DPP4: variants seen among roughly 807,000 people sequenced by gnomAD.
DPP4 encodes the protein dipeptidyl peptidase 4.
Under a neutral mutation model 122.4 loss-of-function variants are expected in DPP4, and 93 were observed. The observed-to-expected ratio is 0.76, with a 90% CI of 0.64 to 0.90. The LOEUF is 0.90. DPP4 is among the 40% of genes least tolerant of loss of function. The probability of loss-of-function intolerance (pLI) is 0.00; values close to 1 mark genes in which losing one functional copy is unlikely to be tolerated. For missense variants in DPP4, 914 were observed against 907.3 expected, an observed-to-expected ratio of 1.01 and a Z score of -0.09; for synonymous variants, 321 against 302.9, an observed-to-expected ratio of 1.06 and a Z score of -0.62.
At chr2:162,012,303 G>C (rs1048429699) in intron 19 of DPP4, among the ~76,000 whole-genome samples, 2 of 151,930 alleles carry the variant, frequency 1.3e-5, no homozygotes, top group Admixed American at 1.3e-4. Flanking sequence ...AGTTAAGAAG[G>C]GGGAGTTGTG....
chr2:162,012,549 G>A (rs1682740101), intron 19 of DPP4, among the ~76,000 whole-genome samples: 1 of 152,092 alleles, frequency 6.6e-6, no homozygotes, highest in Non-Finnish European at 1.5e-5. Context: ...TTCAGAGGAA[G>A]AAACAGGTTG....
chr2:161,997,468 C>A (rs1213416242), intron 23 of DPP4, among the ~76,000 whole-genome samples: 1 of 152,064 alleles, frequency 6.6e-6, no homozygotes, highest in Non-Finnish European at 1.5e-5. Flanking sequence ...TAATAGAGTG[C>A]AAAATATTTA....
At chr2:162,015,262 A>G (rs1682867811) in intron 18 of DPP4, among the ~76,000 whole-genome samples, 1 of 152,226 alleles carries the variant, frequency 6.6e-6, no homozygotes, top group Admixed American at 6.5e-5. Context: ...TCTAACATTT[A>G]TCTTCCTTTT....
intron 19 of DPP4, among the ~76,000 whole-genome samples, chr2:162,014,076 G>T (rs1160748569): frequency 6.6e-6 from 1 of 152,148 alleles, no homozygotes; most frequent in Admixed American, 6.6e-5. Flanking sequence ...CCCATCTCTT[G>T]CTTGTTAAAA....
In DPP4 at chr2:161,992,473, C is replaced by A. The variant is rs540906842; in HGVS notation, c.*810G>T. ...TGATACAAATATTTTCATCTTTTAA[C>A]AGGGCAAGCTGATGTGTTCACATCT... On this transcript the variant is annotated 3_prime_UTR_variant, in exon 26 of 26. Transcript: ENST00000360534. The A allele has an allele frequency of 1.3e-5, 2 of 152,748 alleles. No individual in the cohort carries two copies. The highest frequency in any genetic ancestry group is 6.5e-5 in the Admixed American group (1 of 15,306). The allele number at this position is 152,748 out of a possible 1,614,324, so 9.5% of individuals were successfully genotyped here. A position where few individuals can be genotyped will look rare whatever the true frequency, so the allele number is the denominator to read the frequency against.
At chr2:162,034,258 A>G (rs1683684763) in intron 9 of DPP4, among the ~76,000 whole-genome samples, 1 of 152,170 alleles carries the variant, frequency 6.6e-6, no homozygotes, top group Non-Finnish European at 1.5e-5. Context: ...CGATTGACAG[A>G]TTAGTTAGAA....
At chr2:162,073,609 C>A (rs941348115) in intron 1 of DPP4, 123 bp from the exon 2 acceptor site, 3 of 950,844 alleles carry the variant, frequency 3.2e-6, no homozygotes, top group East Asian at 2.5e-5. Context: ...AAGAGGGAGA[C>A]CGCGGGCTGG....
chr2:162,073,701 G>T, intron 1 of DPP4: 1 of 659,096 alleles, frequency 1.5e-6, no homozygotes, highest in Non-Finnish European at 2.6e-6. Flanking sequence ...GAGCACATTA[G>T]CGTTGGTTTC....
intron 5 of DPP4, among the ~76,000 whole-genome samples, chr2:162,043,286 A>G (rs1684053154): frequency 6.6e-6 from 1 of 152,194 alleles, no homozygotes; most frequent in South Asian, 2.1e-4. Context: ...AGCCGGGCAG[A>G]CTGTGTTCAA....
At chr2:162,026,120 T>C (rs548490322) in intron 10 of DPP4, among the ~76,000 whole-genome samples, 1 of 152,304 alleles carries the variant, frequency 6.6e-6, no homozygotes, top group African/African-American at 2.4e-5. Flanking sequence ...TCAGAATTCA[T>C]AGATCAATTT....
At chr2:161,993,448 C>T (rs947031529) in intron 25 of DPP4, 64 bp from the exon 26 acceptor site, 24 of 1,114,270 alleles carry the variant, frequency 2.2e-5, no homozygotes, top group South Asian at 6.6e-5. Context: ...AAAAAAAATA[C>T]GTAAATTCAA....
intron 16 of DPP4, 23 bp from the exon 17 acceptor site, chr2:162,017,178 A>C (rs1435545867): frequency 6.2e-7 from 1 of 1,604,104 alleles, no homozygotes. Flanking sequence ...TGGGGGAAAA[A>C]TGTTTTGGAT....
rs779884157 is a variant in DPP4, at chr2:162,018,807, C to A, written c.1342G>T (p.Glu448Ter). The A allele has an allele frequency of 6.2e-7, 1 of 1,614,032 alleles. No homozygotes were observed. Among genetic ancestry groups the A allele is most frequent in the African/African-American group, 1.3e-5 (1 of 74,896 alleles). Residue 448 changes from glutamate (E) to a stop codon, truncating the protein, a stop_gained, in exon 16 of 26, where the codon GAG becomes TAG. Coordinates refer to ENST00000360534, the MANE Select transcript of DPP4 (RefSeq NM_001935.4). LOFTEE classifies it high-confidence loss of function. The part of the protein sequence containing the change: ...DYTKVTCLSC[E>*]LNPERCQYYS... Reference sequence around the variant, plus strand: ...TACTGACACCTTTCCGGATTCAGCTCACAACTGAGGCATGTCACTTTTGTA... The same window carrying A: ...TACTGACACCTTTCCGGATTCAGCTAACAACTGAGGCATGTCACTTTTGTA...
At chr2:162,018,967 C>CA (rs1683020866) in intron 15 of DPP4, 117 bp from the exon 16 acceptor site, 7 of 1,064,052 alleles carry the variant, frequency 6.6e-6, no homozygotes, top group Non-Finnish European at 9.1e-6. Context: ...ATCTTTAGGA[C>CA]TTTTTTTTTT....
chr2:162,022,652 G>T, intron 12 of DPP4, 103 bp downstream of exon 12: 1 of 1,046,144 alleles, frequency 9.6e-7, no homozygotes, highest in Non-Finnish European at 1.5e-6. Flanking sequence ...AACTAATATT[G>T]CTATTAATAA....
At chr2:162,006,700 A>G (rs1045815079) in intron 22 of DPP4, among the ~76,000 whole-genome samples, 1 of 152,182 alleles carries the variant, frequency 6.6e-6, no homozygotes, top group African/African-American at 2.4e-5. Context: ...GATACATTAT[A>G]TATATTTGGC....
intron 5 of DPP4, among the ~76,000 whole-genome samples, chr2:162,040,593 A>G (rs1386488897): frequency 3.3e-5 from 5 of 152,032 alleles, no homozygotes; most frequent in Non-Finnish European, 7.4e-5. Context: ...AGGGATTTTT[A>G]GCACAGTCAA....
Position 162,024,150 on chromosome 2 carries a change from T to A in DPP4, c.1023+654A>T, listed in dbSNP as rs189818368. The stretch of plus-strand genomic sequence containing the variant: ...GGGGATTGGGGAGGTATCCTTGGCA[T>A]ATGCCAGCAAACCTCTTCCAGGATC... On this transcript the variant is annotated intron_variant, in intron 11 of 25. Transcript: ENST00000360534. Among the ~76,000 whole-genome samples, 27 of 152,274 alleles carry A rather than the reference T, an allele frequency of 1.8e-4. No individual in the cohort carries two copies. The East Asian group carries it at 5.2e-3, about 29-fold the overall frequency.
At position 162,011,931 on chromosome 2, in the gene DPP4, G is replaced by A. The variant is rs766293510; in HGVS notation, c.1694C>T (p.Thr565Ile). 1 of 1,613,762 alleles carries A rather than the reference G, an allele frequency of 6.2e-7. No homozygotes were observed. Among genetic ancestry groups the A allele is most frequent in the Non-Finnish European group, 8.5e-7 (1 of 1,179,744 alleles). ...AATGTTTTCTGTGCTTGCAAGGTAA[G>A]TGGCCCAGTTCAGTCTGAAGACAGT... ...ADTVFRLNWA[T>I]YLASTENIIV... Residue 565 changes from threonine (T) to isoleucine (I), a missense_variant, in exon 20 of 26, where the codon ACT becomes ATT. Coordinates refer to ENST00000360534, the MANE Select transcript of DPP4 (RefSeq NM_001935.4).
Sources: gnomAD v4.1 joint callset for allele counts (sites outside exome capture counted in the v4.1 genomes callset) on GRCh38, gnomAD v4.1.1 for gene constraint, MANE v1.5 for transcripts, NCBI Gene and HGNC (gene_info 2026-07-23, HGNC 2026-07-21) for gene names.